KCNIP4: variants seen among roughly 807,000 people sequenced by gnomAD.
The protein encoded by KCNIP4 is Kv channel-interacting protein 4.
Under a neutral mutation model 34.0 loss-of-function variants are expected in KCNIP4, and 12 were observed. The ratio of observed to expected loss-of-function variants is 0.35; its 90% CI spans 0.23 to 0.57. The LOEUF (loss-of-function observed/expected upper bound fraction) is 0.57. KCNIP4 is among the 20% of genes least tolerant of loss of function. The pLI, the probability that KCNIP4 is intolerant of heterozygous loss-of-function variation, is 0.83. For synonymous variants in KCNIP4, 124 were observed against 102.2 expected (o/e 1.21, Z -1.29); for missense variants, 238 against 311.7 (o/e 0.76, Z 1.78).
At chr4:21,077,022 G>A (rs1745550438) in intron 1 of KCNIP4, among the ~76,000 whole-genome samples, 2 of 152,242 alleles carry the variant, frequency 1.3e-5, no homozygotes, top group South Asian at 4.1e-4. Flanking sequence ...TTACTTGGGA[G>A]GCTGAGACAG....
chr4:21,602,563 TACAC>T (rs780021103), intron 1 of KCNIP4, among the ~76,000 whole-genome samples: 2 of 152,166 alleles, frequency 1.3e-5, no homozygotes, highest in Non-Finnish European at 2.9e-5. Flanking sequence ...TATAGAAAGA[TACAC>T]ACACATAAGG....
At chr4:21,192,891 A>C (rs1164292697) in intron 1 of KCNIP4, among the ~76,000 whole-genome samples, 2 of 148,774 alleles carry the variant, frequency 1.3e-5, no homozygotes, top group African/African-American at 2.5e-5. Flanking sequence ...CCCACACACC[A>C]CCCCCCAGCC....
intron 1 of KCNIP4, among the ~76,000 whole-genome samples, chr4:21,467,279 G>A (rs563437673): frequency 6.6e-6 from 1 of 152,170 alleles, no homozygotes; most frequent in South Asian, 2.1e-4. Context: ...TATAACAAGA[G>A]TTAATAAAAA....
intron 1 of KCNIP4, among the ~76,000 whole-genome samples, chr4:21,454,707 G>T (rs1728779193): frequency 6.6e-6 from 1 of 152,064 alleles, no homozygotes; most frequent in Non-Finnish European, 1.5e-5. Flanking sequence ...AGGCAATAAA[G>T]AATTTTATTC....
intron 1 of KCNIP4, among the ~76,000 whole-genome samples, chr4:21,059,668 A>G (rs964824361): frequency 2.6e-5 from 4 of 152,172 alleles, no homozygotes; most frequent in African/African-American, 9.6e-5. Flanking sequence ...GGAATTATTC[A>G]TCATGATATT....
chr4:21,743,656 G>C (rs1475123878), intron 1 of KCNIP4, among the ~76,000 whole-genome samples: 1 of 150,406 alleles, frequency 6.6e-6, no homozygotes, highest in African/African-American at 2.4e-5. Context: ...AGGGGGAGGG[G>C]GGAGATGCAT....
intron 1 of KCNIP4, among the ~76,000 whole-genome samples, chr4:21,097,625 C>T (rs1405690434): frequency 6.6e-6 from 1 of 151,928 alleles, no homozygotes; most frequent in East Asian, 1.9e-4. Flanking sequence ...GTTTGGGGCA[C>T]CATAAACCAC....
intron 1 of KCNIP4, among the ~76,000 whole-genome samples, chr4:21,462,782 T>C (rs1334131580): frequency 4.8e-5 from 7 of 144,944 alleles, no homozygotes; most frequent in African/African-American, 1.9e-4. Context: ...TGTGTGTGTG[T>C]GTGTGTGTGT....
chr4:20,784,829 T>C lies in KCNIP4; in HGVS notation c.289-25939A>G, dbSNP rs541035046. On this transcript the variant is annotated intron_variant, in intron 3 of 8. Coordinates refer to ENST00000382152, the MANE Select transcript of KCNIP4 (RefSeq NM_025221.6). ...ACTGTGATGTGTGCATTACGGTTCA[T>C]CACAGAAGGAGTTTTGGACCCTTAC... 1.1e-4 allele frequency among the ~76,000 whole-genome samples: 16 copies of C among 152,248 alleles called. No individual in the cohort carries two copies. The South Asian group carries it at 2.3e-3, about 22-fold the overall frequency.
intron 1 of KCNIP4, among the ~76,000 whole-genome samples, chr4:21,730,811 C>T (rs2109110930): frequency 6.6e-6 from 1 of 152,150 alleles, no homozygotes; most frequent in African/African-American, 2.4e-5. Flanking sequence ...GGTTATTGTG[C>T]AAATTAAGAG....
chr4:21,342,060 C>A (rs146791196), intron 1 of KCNIP4, among the ~76,000 whole-genome samples: 1 of 152,048 alleles, frequency 6.6e-6, no homozygotes, highest in Non-Finnish European at 1.5e-5. Context: ...GATGCAACAA[C>A]AACAATGACA....
At chr4:21,369,818 ATTTTTTTT>A (rs5856627) in intron 1 of KCNIP4, among the ~76,000 whole-genome samples, 4 of 131,648 alleles carry the variant, frequency 3.0e-5, no homozygotes, top group Non-Finnish European at 6.1e-5. Flanking sequence ...AACCCAAATA[ATTTTTTTT>A]TTTTTTTTTT....
chr4:20,883,206 C>G (rs1037633253), intron 1 of KCNIP4, among the ~76,000 whole-genome samples: 1 of 152,112 alleles, frequency 6.6e-6, no homozygotes, highest in Non-Finnish European at 1.5e-5. Flanking sequence ...CCTGTTAGTA[C>G]CTTTGCCTTC....
intron 1 of KCNIP4, among the ~76,000 whole-genome samples, chr4:21,926,196 C>T (rs1225958242): frequency 1.3e-5 from 2 of 152,140 alleles, no homozygotes; most frequent in South Asian, 2.1e-4. Context: ...TCAAATAATG[C>T]TAACTTTTAC....
chr4:21,167,185 C>A (rs566271781), intron 1 of KCNIP4, among the ~76,000 whole-genome samples: 32 of 152,000 alleles, frequency 2.1e-4, no homozygotes, highest in Non-Finnish European at 3.8e-4. Flanking sequence ...AGAAAACAGA[C>A]CCATGTTTTC....
intron 3 of KCNIP4, among the ~76,000 whole-genome samples, chr4:20,847,190 A>T (rs1720484900): frequency 6.6e-6 from 1 of 152,138 alleles, no homozygotes; most frequent in African/African-American, 2.4e-5. Context: ...TTATTTCTTT[A>T]AAAAAGTGCA....
chr4:21,874,475 G>A (rs1270096833), intron 1 of KCNIP4, among the ~76,000 whole-genome samples: 1 of 152,094 alleles, frequency 6.6e-6, no homozygotes, highest in Non-Finnish European at 1.5e-5. Context: ...TGTTCTCTGG[G>A]ATCTGACCCA....
intron 1 of KCNIP4, among the ~76,000 whole-genome samples, chr4:21,506,038 G>T (rs1430790507): frequency 3.3e-5 from 5 of 152,192 alleles, no homozygotes; most frequent in African/African-American, 4.8e-5. Flanking sequence ...GGGAGGCAGA[G>T]GTTGCAGTGA....
chr4:21,307,779 T>C (rs1179308770), intron 1 of KCNIP4, among the ~76,000 whole-genome samples: 5 of 152,182 alleles, frequency 3.3e-5, no homozygotes, highest in African/African-American at 1.2e-4. Context: ...GAAGTCCTAT[T>C]CCTACTGCTT....
Sources: gnomAD v4.1 joint callset for allele counts (sites outside exome capture counted in the v4.1 genomes callset) on GRCh38, gnomAD v4.1.1 for gene constraint, MANE v1.5 for transcripts, NCBI Gene and HGNC (gene_info 2026-07-23, HGNC 2026-07-21) for gene names.